SFMBT2: variants seen among roughly 807,000 people sequenced by gnomAD.
SFMBT2 encodes the protein scm-like with four MBT domains protein 2.
In SFMBT2, 38 loss-of-function variants were observed where a neutral mutation model predicts 110.1. The observed-to-expected ratio is 0.35, with a 90% CI of 0.27 to 0.45. The LOEUF (loss-of-function observed/expected upper bound fraction) is 0.45, where lower values mean the gene tolerates loss of function less well. Among genes scored for constraint, SFMBT2 ranks in the 20% least tolerant of loss-of-function variants. SFMBT2 has a pLI of 1.00. For synonymous variants in SFMBT2, 425 were observed against 425.4 expected, an observed-to-expected ratio of 1.00 and a Z score of 0.01; for missense variants, 1,011 against 1,094.9, an observed-to-expected ratio of 0.92 and a Z score of 1.08.
At chr10:7,377,363 G>C (rs138001352) in intron 2 of SFMBT2, among the ~76,000 whole-genome samples, 4 of 152,086 alleles carry the variant, frequency 2.6e-5, no homozygotes, top group African/African-American at 9.7e-5. Flanking sequence ...ATTAGGCACC[G>C]GTTTTGTAGA....
intron 9 of SFMBT2, among the ~76,000 whole-genome samples, chr10:7,240,279 T>C (rs1564400582): frequency 6.6e-6 from 1 of 152,188 alleles, no homozygotes; most frequent in South Asian, 2.1e-4. Flanking sequence ...GGAAGTGTCA[T>C]ACGATACCTA....
intron 4 of SFMBT2, among the ~76,000 whole-genome samples, chr10:7,356,378 C>T (rs536717636): frequency 6.6e-6 from 1 of 152,176 alleles, no homozygotes; most frequent in South Asian, 2.1e-4. Context: ...ATGATGAAGG[C>T]ACACTAGCTA....
chr10:7,211,543 GAGC>G (rs897708063), intron 11 of SFMBT2, among the ~76,000 whole-genome samples: 3 of 152,142 alleles, frequency 2.0e-5, no homozygotes, highest in Non-Finnish European at 4.4e-5. Context: ...AAACCTAACA[GAGC>G]AGCAGCCTTC....
At chr10:7,329,043 A>G (rs866203419) in intron 4 of SFMBT2, among the ~76,000 whole-genome samples, 1 of 152,250 alleles carries the variant, frequency 6.6e-6, no homozygotes, top group Non-Finnish European at 1.5e-5. Context: ...GCTGCCAGAT[A>G]TAGAACCTTC....
chr10:7,206,065 A>G, intron 11 of SFMBT2, 137 bp from the exon 12 acceptor site: 2 of 1,394,304 alleles, frequency 1.4e-6, no homozygotes, highest in Non-Finnish European at 1.9e-6. Flanking sequence ...CAAAAACAAA[A>G]TAGCCATATG....
At chr10:7,184,879 C>T (rs772972894) in intron 16 of SFMBT2, among the ~76,000 whole-genome samples, 1 of 152,138 alleles carries the variant, frequency 6.6e-6, no homozygotes, top group African/African-American at 2.4e-5. Context: ...GGAAGCTTTA[C>T]AAGCTGTGGG....
Position 7,171,891 on chromosome 10 carries a change from T to C in SFMBT2, c.2415+4A>G. ...AGCCCTCTGTCCCCACGCCCGGGCA[T>C]CACCTCTGTCCCCTCGGGCTTGGTC... On this transcript the variant is annotated splice_donor_region_variant and intron_variant, in intron 19 of 20. Coordinates refer to ENST00000397167, the MANE Select transcript of SFMBT2 (RefSeq NM_001387889.1). This position sits in a 1 kb window ranked among gnomAD's most constrained non-coding sequence, Gnocchi z 4.9. 1 of 1,414,294 alleles carries C rather than the reference T, an allele frequency of 7.1e-7. No individual in the cohort carries two copies. Among genetic ancestry groups the C allele is most frequent in the South Asian group, 1.5e-5 (1 of 64,736 alleles). The allele number at this position is 1,414,294 out of a possible 1,614,324, so 87.6% of individuals were successfully genotyped here. A position where few individuals can be genotyped will look rare whatever the true frequency, so the allele number is the denominator to read the frequency against.
intron 7 of SFMBT2, among the ~76,000 whole-genome samples, chr10:7,275,638 C>T (rs1346980913): frequency 6.6e-6 from 1 of 152,140 alleles, no homozygotes. Context: ...ACTGTTCCTC[C>T]AGTACAGGAG....
intron 7 of SFMBT2, among the ~76,000 whole-genome samples, chr10:7,264,528 G>A (rs1025095198): frequency 2.6e-5 from 4 of 152,208 alleles, no homozygotes; most frequent in Non-Finnish European, 4.4e-5. Flanking sequence ...ATGAGGTACA[G>A]ATTCTGATTA....
intron 3 of SFMBT2, among the ~76,000 whole-genome samples, chr10:7,368,904 A>T (rs1242851104): frequency 6.6e-6 from 1 of 152,260 alleles, no homozygotes; most frequent in Non-Finnish European, 1.5e-5. Flanking sequence ...ACTAGTAAAT[A>T]TAGCATGATG....
At chr10:7,317,718 T>C (rs1346614373) in intron 4 of SFMBT2, among the ~76,000 whole-genome samples, 1 of 150,150 alleles carries the variant, frequency 6.7e-6, no homozygotes, top group Non-Finnish European at 1.5e-5. Context: ...GAGGAGAAGG[T>C]AAAAGATCTG....
intron 4 of SFMBT2, among the ~76,000 whole-genome samples, chr10:7,334,949 C>T (rs1843672123): frequency 6.6e-6 from 1 of 152,260 alleles, no homozygotes; most frequent in African/African-American, 2.4e-5. Context: ...AGGCCTGACA[C>T]AGCCAGACAG....
intron 14 of SFMBT2, chr10:7,197,915 T>C: frequency 1.1e-6 from 1 of 940,390 alleles, no homozygotes; most frequent in Non-Finnish European, 1.3e-6. Flanking sequence ...CACACTCTAG[T>C]TCCAAATCGT....
At chr10:7,226,338 T>A (rs916013420) in intron 10 of SFMBT2, among the ~76,000 whole-genome samples, 15 of 152,266 alleles carry the variant, frequency 9.9e-5, no homozygotes, top group Non-Finnish European at 2.9e-5. Context: ...GCTGACCCAG[T>A]CATCAACCTA....
intron 4 of SFMBT2, among the ~76,000 whole-genome samples, chr10:7,326,875 C>G (rs1170663262): frequency 6.6e-6 from 1 of 152,182 alleles, no homozygotes; most frequent in Non-Finnish European, 1.5e-5. Flanking sequence ...TAAAACCGAA[C>G]TAGATTCCCT....
intron 8 of SFMBT2, among the ~76,000 whole-genome samples, chr10:7,247,017 A>C (rs962287495): frequency 6.6e-6 from 1 of 152,252 alleles, no homozygotes; most frequent in African/African-American, 2.4e-5. Context: ...AACGGATGCT[A>C]ATCAGGAATA....
At chr10:7,245,786 C>T (rs4639840) in intron 8 of SFMBT2, among the ~76,000 whole-genome samples, 1 of 152,190 alleles carries the variant, frequency 6.6e-6, no homozygotes, top group Non-Finnish European at 1.5e-5. Flanking sequence ...TCATTTAATA[C>T]TGGATCCACT....
chr10:7,246,045 G>T, intron 8 of SFMBT2: 1 of 333,116 alleles, frequency 3.0e-6, no homozygotes, highest in Non-Finnish European at 4.3e-6. Flanking sequence ...ATTACATGAA[G>T]ATGAGTCTTG....
intron 1 of SFMBT2, among the ~76,000 whole-genome samples, chr10:7,402,924 T>C (rs1407384775): frequency 3.3e-5 from 5 of 152,284 alleles, no homozygotes; most frequent in Admixed American, 3.3e-4. Flanking sequence ...AGTGTCTTCT[T>C]CATTTCTCCC....
Sources: allele counts gnomAD v4.1 joint callset (sites outside exome capture counted in the v4.1 genomes callset), GRCh38; gene constraint gnomAD v4.1.1; non-coding constraint Gnocchi (gnomAD v3.1); transcripts MANE v1.5; gene names NCBI Gene and HGNC (gene_info 2026-07-23, HGNC 2026-07-21).